Variants in NEK2 observed in about 807,000 individuals in gnomAD.
NEK2 encodes the protein NIMA related kinase 2.
A neutral mutation model predicts 54.1 loss-of-function variants in NEK2; 28 were observed. The ratio of observed to expected loss-of-function variants is 0.52; its 90% CI spans 0.38 to 0.71. The LOEUF is 0.71. NEK2 is among the 30% of genes least tolerant of loss of function. The probability of loss-of-function intolerance (pLI) is 0.00; values close to 1 mark genes in which losing one functional copy is unlikely to be tolerated. For missense variants in NEK2, 407 were observed against 531.5 expected (o/e 0.77, Z 2.30); for synonymous variants, 176 against 193.1 (o/e 0.91, Z 0.73).
chr1:211,663,600 C>T lies in NEK2; in HGVS notation c.1164G>A (p.Gly388=), dbSNP rs1371533127. The T allele has an allele frequency of 6.2e-7, 1 of 1,613,744 alleles. No homozygotes were observed. Among genetic ancestry groups the T allele is most frequent in the Non-Finnish European group, 8.5e-7 (1 of 1,179,828 alleles). The part of the protein sequence containing the change: ...SVIKKKVHFS[G]ESKENIMRSE... Reference sequence around the variant, plus strand: ...TCCTCATGATGTTCTCTTTACTTTCCCCACTGAAATGAACTTTCTTCTTAA... The same window carrying T: ...TCCTCATGATGTTCTCTTTACTTTCTCCACTGAAATGAACTTTCTTCTTAA... Residue 388 remains glycine (G), a synonymous_variant, in exon 8 of 8, where the codon GGG becomes GGA. Transcript: ENST00000366999.
chr1:211,669,756 C>T (rs1319329435), intron 5 of NEK2, among the ~76,000 whole-genome samples: 1 of 152,214 alleles, frequency 6.6e-6, no homozygotes, highest in Non-Finnish European at 1.5e-5. Flanking sequence ...ACGGCATTTT[C>T]CTTCTTCTCT....
rs1655505568 is a variant in NEK2, at chr1:211,674,351, C to T, written c.259G>A (p.Glu87Lys). ...RTNTTLYIVMEYCEGGDLASV... is the reference protein window; with the variant it reads ...RTNTTLYIVMKYCEGGDLASV... Reference sequence around the variant, plus strand: ...GCCAGATCCCCTCCTTCACAATATTCCATTACAATGTACAGTGTTGTATTG... The same window carrying T: ...GCCAGATCCCCTCCTTCACAATATTTCATTACAATGTACAGTGTTGTATTG... The change falls in exon 2 of 8, where the codon GAA becomes AAA. Residue 87 changes from glutamate (E) to lysine (K), a missense_variant. Physicochemically the swap from Glu to Lys is moderately conservative, Grantham distance 56. Coordinates refer to ENST00000366999, the MANE Select transcript of NEK2 (RefSeq NM_002497.4). The T allele has an allele frequency of 1.2e-6, 2 of 1,614,088 alleles. No individual in the cohort carries two copies. Among genetic ancestry groups the T allele is most frequent in the Non-Finnish European group, 1.7e-6 (2 of 1,179,962 alleles).
At chr1:211,670,471 C>T in intron 4 of NEK2, 64 bp from the exon 5 acceptor site, 1 of 1,515,946 alleles carries the variant, frequency 6.6e-7, no homozygotes, top group South Asian at 1.2e-5. Context: ...TGAAAATATA[C>T]AATAGGAACT....
rs774108218 is a variant in NEK2, at chr1:211,674,313, T to C, written c.297A>G (p.Thr99=). The C allele has an allele frequency of 5.6e-6, 9 of 1,610,698 alleles. 1 individual carries two copies. The Middle Eastern group carries it at 9.9e-4, about 177-fold the overall frequency. Residue 99 remains threonine, a synonymous_variant, in exon 2 of 8, where the codon ACA becomes ACG. Coordinates refer to ENST00000366999, the MANE Select transcript of NEK2 (RefSeq NM_002497.4). ...ATGCTTACCTTTCCTTGGTTCCCTT[T>C]GTAATTACACTAGCCAGATCCCCTC... The part of the protein sequence containing the change: ...CEGGDLASVI[T]KGTKERQYLD...
downstream of NEK2, among the ~76,000 whole-genome samples, chr1:211,659,393 C>G (rs1316549869): frequency 1.3e-5 from 2 of 152,154 alleles, no homozygotes; most frequent in Non-Finnish European, 1.5e-5. Context: ...GGGCATGGCT[C>G]TACTTGGAGA....
chr1:211,667,275 C>T (rs375580271), intron 6 of NEK2, 44 bp from the exon 7 acceptor site: 3 of 1,553,342 alleles, frequency 1.9e-6, no homozygotes, highest in Non-Finnish European at 2.6e-6. Flanking sequence ...TAACAACTGA[C>T]CTTGACTAAA....
downstream of NEK2, among the ~76,000 whole-genome samples, chr1:211,659,763 AT>A (rs1234739514): frequency 3.3e-5 from 5 of 151,796 alleles, no homozygotes; most frequent in South Asian, 4.2e-4. Context: ...CGAATGATAC[AT>A]TTTTTCCCCA....
downstream of NEK2, chr1:211,661,291 G>A: frequency 3.5e-6 from 2 of 570,854 alleles, no homozygotes; most frequent in South Asian, 1.7e-5. Flanking sequence ...CTGGATGCGG[G>A]TTCCTGCTTC....
chr1:211,667,355 G>T, intron 6 of NEK2, 124 bp from the exon 7 acceptor site: 1 of 877,408 alleles, frequency 1.1e-6, no homozygotes. Context: ...TTTGGGGAAA[G>T]GATTCTCACT....
chr1:211,663,135 T>C lies in NEK2; in HGVS notation c.*291A>G, dbSNP rs1655062104. ...CTAACATTATTTTTTCTCCCAAGATTTAGAATGTCACATCTCATGTTCCTA... is the reference window on the plus strand; with the variant it reads ...CTAACATTATTTTTTCTCCCAAGATCTAGAATGTCACATCTCATGTTCCTA... On this transcript the variant is annotated 3_prime_UTR_variant, in exon 8 of 8. Coordinates refer to ENST00000366999, the MANE Select transcript of NEK2 (RefSeq NM_002497.4). The C allele has an allele frequency of 1.8e-6, 2 of 1,133,212 alleles. No individual in the cohort carries two copies. The highest frequency in any genetic ancestry group is 2.2e-6 in the Non-Finnish European group (2 of 923,378). The allele number at this position is 1,133,212 out of a possible 1,614,324, so 70.2% of individuals were successfully genotyped here. A position where few individuals can be genotyped will look rare whatever the true frequency, so the allele number is the denominator to read the frequency against.
chr1:211,666,556 A>T (rs1655184612), intron 7 of NEK2: 1 of 810,202 alleles, frequency 1.2e-6, no homozygotes, highest in Middle Eastern at 6.3e-4. Context: ...ATCCCAGCAC[A>T]TTGGGAGGCC....
At chr1:211,674,875 ACCTTGGTAAAGATC>A (rs1356113416) in intron 1 of NEK2, among the ~76,000 whole-genome samples, 1 of 152,192 alleles carries the variant, frequency 6.6e-6, no homozygotes, top group Non-Finnish European at 1.5e-5. Flanking sequence ...AGGATGAGAC[ACCTTGGTAAAGATC>A]CCTCCATCAG....
intron 7 of NEK2, among the ~76,000 whole-genome samples, chr1:211,666,175 C>T (rs1205862452): frequency 2.6e-5 from 4 of 152,094 alleles, no homozygotes; most frequent in South Asian, 2.1e-4. Flanking sequence ...CATCTCAGTG[C>T]GGCAGAGTGA....
At position 211,675,553 on chromosome 1, in the gene NEK2, A is replaced by G; in HGVS notation, c.-74T>C. On this transcript the variant is annotated 5_prime_UTR_variant, in exon 1 of 8. Coordinates refer to ENST00000366999, the MANE Select transcript of NEK2 (RefSeq NM_002497.4). ...AAGTGCGGAGCTCCAGGGACCAGGAACTCCAGGGACCTGGATGGAGAAGCC... is the reference window on the plus strand; with the variant it reads ...AAGTGCGGAGCTCCAGGGACCAGGAGCTCCAGGGACCTGGATGGAGAAGCC... 6 of 1,263,278 alleles carry G rather than the reference A, an allele frequency of 4.7e-6. No homozygotes were observed. Among genetic ancestry groups the G allele is most frequent in the Non-Finnish European group, 5.8e-6 (5 of 867,926 alleles). 78.3% of individuals were successfully genotyped at this position (1,263,278 alleles called of 1,614,324 possible).
intron 1 of NEK2, 100 bp from the exon 2 acceptor site, chr1:211,674,613 C>A: frequency 1.2e-6 from 1 of 844,982 alleles, no homozygotes; most frequent in Middle Eastern, 3.3e-4. Flanking sequence ...TTAATTATAT[C>A]CTACAATCAA....
At chr1:211,672,966 A>G (rs1655447005) in intron 3 of NEK2, among the ~76,000 whole-genome samples, 1 of 151,994 alleles carries the variant, frequency 6.6e-6, no homozygotes. Flanking sequence ...ATTAATGCAC[A>G]TAACTCATGC....
chr1:211,669,358 AG>A (rs1655289565), intron 5 of NEK2, 26 bp from the exon 6 acceptor site: 1 of 1,586,162 alleles, frequency 6.3e-7, no homozygotes, highest in Non-Finnish European at 8.7e-7. Flanking sequence ...TCAGTATTAT[AG>A]TCAGATTGCA....
downstream of NEK2, among the ~76,000 whole-genome samples, chr1:211,662,139 A>G (rs1231963632): frequency 1.3e-5 from 2 of 152,228 alleles, no homozygotes; most frequent in African/African-American, 2.4e-5. This position sits in a 1 kb window ranked among gnomAD's most constrained non-coding sequence, Gnocchi z 4.2. Flanking sequence ...ATATCCATCC[A>G]CATCTCTTAA....
downstream of NEK2, among the ~76,000 whole-genome samples, chr1:211,659,239 A>G (rs1654958294): frequency 6.6e-6 from 1 of 152,184 alleles, no homozygotes; most frequent in Non-Finnish European, 1.5e-5. Flanking sequence ...AAAAAAAGAT[A>G]ATTTGACATA....
Sources: gnomAD v4.1 joint callset for allele counts (sites outside exome capture counted in the v4.1 genomes callset) on GRCh38, gnomAD v4.1.1 for gene constraint, Gnocchi (gnomAD v3.1) non-coding constraint, MANE v1.5 for transcripts, NCBI Gene and HGNC (gene_info 2026-07-23, HGNC 2026-07-21) for gene names.